NPFFR2: variants seen among roughly 807,000 people sequenced by gnomAD.
The protein encoded by NPFFR2 is neuropeptide FF receptor 2.
A neutral mutation model predicts 13.1 loss-of-function variants in NPFFR2; 15 were observed. The observed-to-expected ratio is 1.15, with a 90% CI of 0.77 to 1.76. NPFFR2 has a LOEUF of 1.76. NPFFR2 is among the 40% of genes most tolerant of loss of function. The pLI is 0.00. For synonymous variants in NPFFR2, 190 were observed against 175.7 expected (o/e 1.08, Z -0.65); for missense variants, 572 against 503.5 (o/e 1.14, Z -1.30).
chr4:72,055,860 T>G (rs1295235067), intron 1 of NPFFR2, among the ~76,000 whole-genome samples: 18 of 151,972 alleles, frequency 1.2e-4, no homozygotes, highest in Admixed American at 1.2e-3. Flanking sequence ...TGGAGTCTAA[T>G]CCAGAGCAAG....
At chr4:72,115,260 C>T (rs980836305) in intron 1 of NPFFR2, among the ~76,000 whole-genome samples, 1 of 152,072 alleles carries the variant, frequency 6.6e-6, no homozygotes, top group Non-Finnish European at 1.5e-5. Context: ...GAACATAATG[C>T]ACATTTTGAT....
At chr4:72,090,210 G>A (rs28874929) in intron 1 of NPFFR2, among the ~76,000 whole-genome samples, 1 of 152,194 alleles carries the variant, frequency 6.6e-6, no homozygotes, top group African/African-American at 2.4e-5. Flanking sequence ...GTACCATGCT[G>A]TTGTGGTGAC....
At chr4:72,102,267 G>A (rs965264323) in intron 1 of NPFFR2, among the ~76,000 whole-genome samples, 1 of 152,046 alleles carries the variant, frequency 6.6e-6, no homozygotes. Flanking sequence ...CTTGGACTTT[G>A]TGTTAGAAGT....
chr4:72,048,399 G>C (rs1157188376), intron 1 of NPFFR2, among the ~76,000 whole-genome samples: 8 of 152,082 alleles, frequency 5.3e-5, no homozygotes, highest in Non-Finnish European at 1.0e-4. Flanking sequence ...TTTTTAATCA[G>C]ATAAAAATTC....
At chr4:72,045,877 G>C (rs1278811003) in intron 1 of NPFFR2, among the ~76,000 whole-genome samples, 1 of 152,052 alleles carries the variant, frequency 6.6e-6, no homozygotes, top group Non-Finnish European at 1.5e-5. Flanking sequence ...GTGTATTGAT[G>C]GTGCGGAGTA....
chr4:72,112,835 C>T (rs1371568814), intron 1 of NPFFR2, among the ~76,000 whole-genome samples: 1 of 151,738 alleles, frequency 6.6e-6, no homozygotes, highest in Admixed American at 6.6e-5. Flanking sequence ...GGAATTTACC[C>T]CTCTCAGGAG....
chr4:72,088,195 AT>A (rs1019893346), intron 1 of NPFFR2, among the ~76,000 whole-genome samples: 2 of 151,772 alleles, frequency 1.3e-5, no homozygotes, highest in African/African-American at 4.9e-5. Context: ...TAAAGTACAC[AT>A]TTTTTTGTAT....
intron 1 of NPFFR2, among the ~76,000 whole-genome samples, chr4:72,034,634 A>G (rs1718998740): frequency 6.6e-6 from 1 of 152,216 alleles, no homozygotes; most frequent in Non-Finnish European, 1.5e-5. Context: ...TTGTTCTCTT[A>G]AACATATGAA....
intron 1 of NPFFR2, among the ~76,000 whole-genome samples, chr4:72,081,243 G>A (rs960495435): frequency 1.3e-5 from 2 of 152,072 alleles, no homozygotes; most frequent in Admixed American, 1.3e-4. Flanking sequence ...ATTTGTTTCT[G>A]TATCATCTGT....
intron 1 of NPFFR2, among the ~76,000 whole-genome samples, chr4:72,100,550 A>G (rs984867393): frequency 6.6e-6 from 1 of 150,946 alleles, no homozygotes; most frequent in Non-Finnish European, 1.5e-5. Flanking sequence ...GGATATTCTT[A>G]TACTACTACT....
At chr4:72,146,939 A>G in intron 3 of NPFFR2, 39 bp from the exon 4 acceptor site, 1 of 1,407,664 alleles carries the variant, frequency 7.1e-7, no homozygotes, top group Non-Finnish European at 9.9e-7. Context: ...GTCAGAAGTG[A>G]TGAAGCAGTG....
intron 1 of NPFFR2, among the ~76,000 whole-genome samples, chr4:72,043,161 C>T (rs761200812): frequency 7.2e-5 from 11 of 152,154 alleles, no homozygotes; most frequent in Non-Finnish European, 1.6e-4. Context: ...CCTGCAGGTG[C>T]ACAGAAGACA....
At chr4:72,106,054 A>T (rs992994044) in intron 1 of NPFFR2, among the ~76,000 whole-genome samples, 5 of 152,060 alleles carry the variant, frequency 3.3e-5, no homozygotes, top group South Asian at 2.1e-4. Flanking sequence ...CAGTTTGTTG[A>T]TGTGTAATGA....
At chr4:72,039,281 A>G (rs12509375) in intron 1 of NPFFR2, 61,518 of 248,430 alleles carry the variant, frequency 0.25, 8,034 homozygotes, top group Middle Eastern at 0.32. Context: ...GATGGTCTCC[A>G]TCTCCCGACC....
At chr4:72,081,523 C>G (rs988448354) in intron 1 of NPFFR2, among the ~76,000 whole-genome samples, 1 of 144,484 alleles carries the variant, frequency 6.9e-6, no homozygotes, top group South Asian at 2.2e-4. Flanking sequence ...AGGTCTTGCT[C>G]TGTCACCCAG....
intron 1 of NPFFR2, among the ~76,000 whole-genome samples, chr4:72,064,853 A>G (rs1560399625): frequency 6.6e-6 from 1 of 152,208 alleles, no homozygotes; most frequent in Admixed American, 6.5e-5. Flanking sequence ...GCTAACAATG[A>G]TCACCTGAGA....
In NPFFR2 at chr4:72,041,904, G is replaced by T. The variant is rs369024360; in HGVS notation, c.-8+9704G>T. Among the ~76,000 whole-genome samples, 8 of 152,226 alleles carry T rather than the reference G, an allele frequency of 5.3e-5. No homozygotes were observed. In the South Asian group the frequency reaches 1.5e-3, roughly 28 times the overall value. ...ATATTAGACCTTTGTTGGATGCATAGTTTGCAAATATTTTCTCCCACTCTG... is the reference window on the plus strand; with the variant it reads ...ATATTAGACCTTTGTTGGATGCATATTTTGCAAATATTTTCTCCCACTCTG... On this transcript the variant is annotated intron_variant, in intron 1 of 3. Coordinates refer to ENST00000308744, the MANE Select transcript of NPFFR2 (RefSeq NM_004885.3).
At chr4:72,094,262 A>C (rs1411198969) in intron 1 of NPFFR2, among the ~76,000 whole-genome samples, 1 of 151,914 alleles carries the variant, frequency 6.6e-6, no homozygotes, top group African/African-American at 2.4e-5. Context: ...ACTCCATGAG[A>C]GTTCTTGGTT....
At chr4:72,077,930 G>A (rs924419199) in intron 1 of NPFFR2, among the ~76,000 whole-genome samples, 1 of 152,040 alleles carries the variant, frequency 6.6e-6, no homozygotes, top group African/African-American at 2.4e-5. Flanking sequence ...TTTTGAAGTA[G>A]AGATTTTAAA....
Sources: allele counts gnomAD v4.1 joint callset (sites outside exome capture counted in the v4.1 genomes callset), GRCh38; gene constraint gnomAD v4.1.1; transcripts MANE v1.5; gene names NCBI Gene and HGNC (gene_info 2026-07-23, HGNC 2026-07-21).